The following GPATCH2 variants were observed in gnomAD, a reference collection of about 807,000 sequenced individuals.
The protein encoded by GPATCH2 is G-patch domain containing 2.
GPATCH2 carries 51 observed loss-of-function variants against 58.0 expected under a neutral mutation model. That is an observed-to-expected ratio of 0.88 (90% CI 0.70 to 1.11). The LOEUF (loss-of-function observed/expected upper bound fraction) is 1.11. Ranked by LOEUF, GPATCH2 falls within the 50% of genes most tolerant of loss-of-function variation. The pLI is 0.00. For synonymous variants in GPATCH2, 222 were observed against 218.5 expected, an observed-to-expected ratio of 1.02 and a Z score of -0.14; for missense variants, 625 against 652.2, an observed-to-expected ratio of 0.96 and a Z score of 0.45.
Position 217,479,436 on chromosome 1 carries a change from G to A in GPATCH2, c.1277+12244C>T, listed in dbSNP as rs188145211. The stretch of plus-strand genomic sequence containing the variant: ...CTTTTTGCTTTATGCAAACAGTGTT[G>A]TTATAATCTTAAAATAATGTGTCAT... On this transcript the variant is annotated intron_variant, in intron 8 of 9. Transcript: ENST00000366935. Among the ~76,000 whole-genome samples the A allele has an allele frequency of 1.1e-3, 170 of 152,210 alleles. 1 individual carries two copies. Among genetic ancestry groups the A allele is most frequent in the Non-Finnish European group, 1.3e-3 (88 of 67,972 alleles).
chr1:217,619,930 A>G lies in GPATCH2; in HGVS notation c.626T>C (p.Val209Ala). Reference sequence around the variant, plus strand: ...GATTATTTTCAACTTTCTTTTTTTGACTTTGTTCTTGGTAAATTCTTGATA... The same window carrying G: ...GATTATTTTCAACTTTCTTTTTTTGGCTTTGTTCTTGGTAAATTCTTGATA... ...YQYQEFTKNK[V>A]KKRKLKIIRQ... The change falls in exon 2 of 10, where the codon GTC becomes GCC. Residue 209 changes from valine (V) to alanine (A), a missense_variant. Physicochemically the swap from Val to Ala is moderately conservative, Grantham distance 64 (BLOSUM62 0). Transcript: ENST00000366935. 1 of 1,613,208 alleles carries G rather than the reference A, an allele frequency of 6.2e-7. No individual in the cohort carries two copies.
chr1:217,450,369 T>C (rs1324035067), intron 8 of GPATCH2, among the ~76,000 whole-genome samples: 1 of 152,098 alleles, frequency 6.6e-6, no homozygotes, highest in African/African-American at 2.4e-5. Flanking sequence ...TAAAATTTAT[T>C]CAGGTAAAAT....
At chr1:217,513,432 T>C (rs1247946818) in intron 6 of GPATCH2, among the ~76,000 whole-genome samples, 2 of 152,340 alleles carry the variant, frequency 1.3e-5, no homozygotes, top group Middle Eastern at 3.4e-3. Context: ...ATTTGTTAAG[T>C]AGTGATTTTA....
chr1:217,623,779 G>A (rs1478078594), intron 1 of GPATCH2, among the ~76,000 whole-genome samples: 2 of 151,960 alleles, frequency 1.3e-5, no homozygotes, highest in Non-Finnish European at 2.9e-5. Context: ...GTGGGTGCCT[G>A]TAATCCTAGC....
intron 4 of GPATCH2, 146 bp downstream of exon 4, chr1:217,610,743 A>G: frequency 3.4e-6 from 2 of 584,420 alleles, no homozygotes; most frequent in Non-Finnish European, 6.0e-6. Context: ...TGATAAATGT[A>G]GTAGCTATAT....
intron 5 of GPATCH2, among the ~76,000 whole-genome samples, chr1:217,596,515 A>G (rs56744231): frequency 0.016 from 2,388 of 152,304 alleles, 58 homozygotes; most frequent in African/African-American, 0.054. Flanking sequence ...ATGATTTGAT[A>G]TACATAAAAA....
intron 8 of GPATCH2, among the ~76,000 whole-genome samples, chr1:217,473,014 G>A (rs905106822): frequency 3.9e-5 from 6 of 152,110 alleles, no homozygotes; most frequent in African/African-American, 7.2e-5. Context: ...GCTGTGGTGC[G>A]ACTGGGCATG....
At chr1:217,450,755 T>C (rs1485019829) in intron 8 of GPATCH2, among the ~76,000 whole-genome samples, 1 of 152,146 alleles carries the variant, frequency 6.6e-6, no homozygotes, top group African/African-American at 2.4e-5. Flanking sequence ...TGCATGACTA[T>C]AACATTTTTA....
intron 9 of GPATCH2, among the ~76,000 whole-genome samples, chr1:217,440,555 G>C (rs964086310): frequency 6.6e-6 from 1 of 152,164 alleles, no homozygotes; most frequent in East Asian, 1.9e-4. Context: ...CAAATAGGAA[G>C]AGAGGAAGTC....
chr1:217,603,322 C>T (rs1285762714), intron 5 of GPATCH2, among the ~76,000 whole-genome samples: 5 of 151,884 alleles, frequency 3.3e-5, no homozygotes, highest in Non-Finnish European at 7.4e-5. Flanking sequence ...GATTGAACAC[C>T]TGTTTATATA....
At chr1:217,590,249 T>C (rs1025109114) in intron 5 of GPATCH2, among the ~76,000 whole-genome samples, 3 of 152,098 alleles carry the variant, frequency 2.0e-5, no homozygotes, top group Non-Finnish European at 2.9e-5. Flanking sequence ...CTTGAACGCC[T>C]GACCTCAAGT....
At chr1:217,469,771 G>A (rs533784810) in intron 8 of GPATCH2, among the ~76,000 whole-genome samples, 8 of 152,100 alleles carry the variant, frequency 5.3e-5, no homozygotes, top group Non-Finnish European at 8.8e-5. Flanking sequence ...GATTTCTGTA[G>A]ACATAAAGTA....
At chr1:217,493,593 C>T (rs1248853026) in intron 7 of GPATCH2, among the ~76,000 whole-genome samples, 1 of 152,072 alleles carries the variant, frequency 6.6e-6, no homozygotes, top group African/African-American at 2.4e-5. Context: ...AGCCATATCT[C>T]ATTATTACTA....
intron 1 of GPATCH2, among the ~76,000 whole-genome samples, chr1:217,621,185 T>C (rs1669171527): frequency 6.6e-6 from 1 of 152,214 alleles, no homozygotes. Flanking sequence ...TTAAACTATA[T>C]TACCAGTATG....
At chr1:217,526,488 G>A (rs1663914577) in intron 5 of GPATCH2, among the ~76,000 whole-genome samples, 1 of 152,208 alleles carries the variant, frequency 6.6e-6, no homozygotes, top group South Asian at 2.1e-4. Flanking sequence ...ATGAATAAAT[G>A]AGTGAATGAG....
At chr1:217,467,111 A>T (rs1453522091) in intron 8 of GPATCH2, among the ~76,000 whole-genome samples, 2 of 152,222 alleles carry the variant, frequency 1.3e-5, no homozygotes, top group Non-Finnish European at 1.5e-5. Flanking sequence ...TGGGAGGCGG[A>T]TGTTGCAGTG....
At chr1:217,614,301 C>A in intron 2 of GPATCH2, 99 bp from the exon 3 acceptor site, 2 of 696,540 alleles carry the variant, frequency 2.9e-6, no homozygotes, top group Admixed American at 2.3e-5. Context: ...GGAACTTAAG[C>A]CTGACAAAGA....
chr1:217,564,807 A>G (rs1289935501), intron 5 of GPATCH2, among the ~76,000 whole-genome samples: 2 of 152,210 alleles, frequency 1.3e-5, no homozygotes, highest in African/African-American at 4.8e-5. Flanking sequence ...TTATTAATAC[A>G]TTTCCATAAT....
intron 8 of GPATCH2, among the ~76,000 whole-genome samples, chr1:217,458,895 T>C (rs1195341571): frequency 6.6e-6 from 1 of 152,190 alleles, no homozygotes; most frequent in Non-Finnish European, 1.5e-5. Context: ...ATACAGTATA[T>C]AGTATTTGCC....
Sources: allele counts gnomAD v4.1 joint callset (sites outside exome capture counted in the v4.1 genomes callset), GRCh38; gene constraint gnomAD v4.1.1; transcripts MANE v1.5; gene names NCBI Gene and HGNC (gene_info 2026-07-23, HGNC 2026-07-21).